Variants in GNB1 observed in about 807,000 individuals in gnomAD.
GNB1 encodes guanine nucleotide-binding protein G(I)/G(S)/G(T) subunit beta-1.
A neutral mutation model predicts 42.9 loss-of-function variants in GNB1; 2 were observed. The observed-to-expected ratio is 0.05, with a 90% CI of 0.02 to 0.15. The LOEUF (loss-of-function observed/expected upper bound fraction) is 0.15. Among genes scored for constraint, GNB1 ranks in the 10% least tolerant of loss-of-function variants. The pLI is 1.00. For missense variants in GNB1, 193 were observed against 462.2 expected (o/e 0.42, Z 5.34); for synonymous variants, 183 against 174.7 (o/e 1.05, Z -0.38).
At position 1,817,849 on chromosome 1, in the gene GNB1, T is replaced by C. The variant is rs1467513534; in HGVS notation, c.84A>G (p.Ala28=). 1 of 1,612,248 alleles carries C rather than the reference T, an allele frequency of 6.2e-7. No individual in the cohort carries two copies. The highest frequency in any genetic ancestry group is 8.5e-7 in the Non-Finnish European group (1 of 1,178,336). ...IRDARKACAD[A]TLSQITNNID... ...AGTGGGCTCTTACCTGAGAGAGAGT[T>C]GCATCTGCACATGCTTTCCTGGCGT... Residue 28 remains alanine (A), a synonymous_variant, in exon 4 of 12, where the codon GCA becomes GCG. Transcript: ENST00000378609.
At chr1:1,855,390 A>G (rs1402585431) in intron 1 of GNB1, among the ~76,000 whole-genome samples, 1 of 151,744 alleles carries the variant, frequency 6.6e-6, no homozygotes, top group Non-Finnish European at 1.5e-5. Context: ...ACCAGCAATG[A>G]CTTAAAAAGC....
chr1:1,806,584 G>C (rs1646698137), intron 5 of GNB1, 46 bp from the exon 6 acceptor site: 2 of 1,306,414 alleles, frequency 1.5e-6, no homozygotes, highest in South Asian at 2.5e-5. Flanking sequence ...GCACAACACA[G>C]AAAGTGTACA....
chr1:1,861,588 A>AGGGGGTT (rs1477204756), intron 1 of GNB1, among the ~76,000 whole-genome samples: 4 of 143,444 alleles, frequency 2.8e-5, no homozygotes, highest in Non-Finnish European at 4.6e-5. Flanking sequence ...TTATATCCTC[A>AGGGGGTT]GGGGGTTGGG....
At chr1:1,834,809 C>G (rs1647123662) in intron 2 of GNB1, among the ~76,000 whole-genome samples, 1 of 151,928 alleles carries the variant, frequency 6.6e-6, no homozygotes, top group Admixed American at 6.6e-5. Context: ...GCCAGGACTA[C>G]AGGCGCCTGC....
In GNB1 at chr1:1,812,080, A is replaced by C. The variant is rs573770226; in HGVS notation, c.203+3676T>G. 9.9e-4 allele frequency among the ~76,000 whole-genome samples: 150 copies of C among 152,128 alleles called. 1 individual carries two copies. The highest frequency in any genetic ancestry group is 3.4e-3 in the Middle Eastern group (1 of 294). ...GACTCCGTCTCAAAAAAAAAAACCCAAAAAAACTGGTATTCATAAATTATA... is the reference window on the plus strand; with the variant it reads ...GACTCCGTCTCAAAAAAAAAAACCCCAAAAAACTGGTATTCATAAATTATA... On this transcript the variant is annotated intron_variant, in intron 5 of 11. Coordinates refer to ENST00000378609, the MANE Select transcript of GNB1 (RefSeq NM_002074.5).
intron 3 of GNB1, among the ~76,000 whole-genome samples, chr1:1,821,276 C>T (rs1305019462): frequency 6.6e-6 from 1 of 152,226 alleles, no homozygotes; most frequent in Non-Finnish European, 1.5e-5. Context: ...ACATCTACGC[C>T]TGTGCATCCT....
intron 1 of GNB1, among the ~76,000 whole-genome samples, chr1:1,852,665 C>G (rs921343171): frequency 6.6e-5 from 10 of 150,456 alleles, no homozygotes; most frequent in African/African-American, 2.5e-4. Flanking sequence ...GCCTGGGCAA[C>G]AGTGAGACTC....
chr1:1,848,724 T>C (rs1647816402), intron 1 of GNB1, among the ~76,000 whole-genome samples: 1 of 152,204 alleles, frequency 6.6e-6, no homozygotes. Flanking sequence ...TATTAGTAGT[T>C]CATGTTTTGG....
chr1:1,847,740 A>G (rs1488031063), intron 1 of GNB1, among the ~76,000 whole-genome samples: 1 of 152,010 alleles, frequency 6.6e-6, no homozygotes, highest in African/African-American at 2.4e-5. Flanking sequence ...GATTTACGAG[A>G]GCCAGACGAG....
At position 1,785,988 on chromosome 1, in the gene GNB1, C is replaced by T; in HGVS notation, c.*1075G>A. On this transcript the variant is annotated 3_prime_UTR_variant, in exon 12 of 12. Coordinates refer to ENST00000378609, the MANE Select transcript of GNB1 (RefSeq NM_002074.5). Reference sequence around the variant, plus strand: ...AAAAGAACACCTAAGGACTGAGTCCCATATGCACTTTTGAGCATTTCTACA... The same window carrying T: ...AAAAGAACACCTAAGGACTGAGTCCTATATGCACTTTTGAGCATTTCTACA... 2.5e-6 allele frequency: 1 copy of T among 398,846 alleles called. No homozygotes were observed. The highest frequency in any genetic ancestry group is 3.6e-5 in the East Asian group (1 of 28,082). 24.7% of individuals were successfully genotyped at this position (398,846 alleles called of 1,614,324 possible).
chr1:1,872,411 C>G, intron 1 of GNB1, among the ~76,000 whole-genome samples: 1 of 152,314 alleles, frequency 6.6e-6, no homozygotes, highest in Non-Finnish European at 1.5e-5. Context: ...GCACGAGGAC[C>G]CTCACCTGGT....
intron 1 of GNB1, among the ~76,000 whole-genome samples, chr1:1,873,209 C>T (rs1649345118): frequency 6.6e-6 from 1 of 152,230 alleles, no homozygotes; most frequent in Admixed American, 6.5e-5. Flanking sequence ...CTATGCTAGG[C>T]CTCATAACTT....
intron 1 of GNB1, among the ~76,000 whole-genome samples, chr1:1,851,861 C>T (rs958464376): frequency 3.3e-5 from 5 of 151,612 alleles, no homozygotes; most frequent in Non-Finnish European, 4.4e-5. Flanking sequence ...CTGACCAACA[C>T]GGAGAAACCC....
chr1:1,797,726 C>T (rs879555287), intron 7 of GNB1, among the ~76,000 whole-genome samples: 4 of 152,238 alleles, frequency 2.6e-5, no homozygotes, highest in African/African-American at 4.8e-5. Context: ...CATGAGCCAC[C>T]GCGCCCAGCC....
chr1:1,806,867 G>A (rs1279715041), intron 5 of GNB1, among the ~76,000 whole-genome samples: 3 of 152,072 alleles, frequency 2.0e-5, no homozygotes, highest in Non-Finnish European at 4.4e-5. Context: ...CCAGCTACTC[G>A]GGAGGCTGAG....
At chr1:1,793,498 G>C in intron 7 of GNB1, 187 bp from the exon 8 acceptor site, 1 of 477,394 alleles carries the variant, frequency 2.1e-6, no homozygotes. Context: ...GTGAGGGTGA[G>C]AGCCTGGCCA....
intron 7 of GNB1, among the ~76,000 whole-genome samples, chr1:1,800,390 G>A (rs1350838194): frequency 6.6e-6 from 1 of 152,172 alleles, no homozygotes; most frequent in Non-Finnish European, 1.5e-5. Context: ...CTGACATAAA[G>A]AACCTGCTGG....
At chr1:1,803,999 AAAAAG>A (rs1292223231) in intron 7 of GNB1, among the ~76,000 whole-genome samples, 1,245 of 123,324 alleles carry the variant, frequency 0.01, 99 homozygotes, top group African/African-American at 0.036. Context: ...AAAAAAAAAA[AAAAAG>A]AAAAAAAGGC....
chr1:1,840,403 C>T (rs1226731913), intron 1 of GNB1, among the ~76,000 whole-genome samples: 1 of 152,170 alleles, frequency 6.6e-6, no homozygotes, highest in East Asian at 1.9e-4. Context: ...TGGCAGGCAC[C>T]TGTAGTCCCA....
Sources: allele counts gnomAD v4.1 joint callset (sites outside exome capture counted in the v4.1 genomes callset), GRCh38; gene constraint gnomAD v4.1.1; transcripts MANE v1.5; gene names NCBI Gene and HGNC (gene_info 2026-07-23, HGNC 2026-07-21).